FAM163A: variants seen among roughly 807,000 people sequenced by gnomAD.
FAM163A encodes the protein protein FAM163A.
In FAM163A, 7 loss-of-function variants were observed where a neutral mutation model predicts 12.0. That is an observed-to-expected ratio of 0.58 (90% CI 0.33 to 1.10). The LOEUF is 1.10. FAM163A is among the 50% of genes least tolerant of loss of function. The pLI, the probability that FAM163A is intolerant of heterozygous loss-of-function variation, is 0.03. For synonymous variants in FAM163A, 101 were observed against 91.0 expected, an observed-to-expected ratio of 1.11 and a Z score of -0.62; for missense variants, 202 against 218.6, an observed-to-expected ratio of 0.92 and a Z score of 0.48.
intron 1 of FAM163A, among the ~76,000 whole-genome samples, chr1:179,797,221 C>G (rs1312851703): frequency 6.6e-6 from 1 of 152,236 alleles, no homozygotes; most frequent in East Asian, 1.9e-4. Context: ...CCGAGGCGGG[C>G]AGCTCACTTG....
At position 179,815,308 on chromosome 1, in the gene FAM163A, A is replaced by G. The variant is rs1051659175; in HGVS notation, c.*1119A>G. On this transcript the variant is annotated 3_prime_UTR_variant, in exon 5 of 5. Coordinates refer to ENST00000341785, the MANE Select transcript of FAM163A (RefSeq NM_173509.3). ...CCCCATGGCAGACAGCGGGCTGGTGAACAGGAAGAGCACAGAATCTCTGTG... is the reference window on the plus strand; with the variant it reads ...CCCCATGGCAGACAGCGGGCTGGTGGACAGGAAGAGCACAGAATCTCTGTG... The G allele has an allele frequency of 6.6e-6, 1 of 152,342 alleles. No homozygotes were observed. Among genetic ancestry groups the G allele is most frequent in the African/African-American group, 2.4e-5 (1 of 41,440 alleles). 9.4% of individuals were successfully genotyped at this position (152,342 alleles called of 1,614,324 possible).
intron 2 of FAM163A, among the ~76,000 whole-genome samples, chr1:179,811,170 C>T (rs1219309508): frequency 6.6e-6 from 1 of 152,102 alleles, no homozygotes; most frequent in Non-Finnish European, 1.5e-5. Flanking sequence ...GTCTTTGAAG[C>T]TGTCTCTAAA....
chr1:179,773,974 G>C (rs1239091065), intron 1 of FAM163A, among the ~76,000 whole-genome samples: 1 of 152,226 alleles, frequency 6.6e-6, no homozygotes, highest in Non-Finnish European at 1.5e-5. Context: ...AGACCTGCAG[G>C]TTGCTGTAGT....
intron 1 of FAM163A, among the ~76,000 whole-genome samples, chr1:179,793,692 T>C (rs897090277): frequency 6.6e-6 from 1 of 152,202 alleles, no homozygotes; most frequent in African/African-American, 2.4e-5. Context: ...AACTGGGTGC[T>C]TTTCCATGAT....
intron 1 of FAM163A, among the ~76,000 whole-genome samples, chr1:179,777,451 C>T (rs762468473): frequency 2.0e-5 from 3 of 152,114 alleles, no homozygotes; most frequent in African/African-American, 7.2e-5. Context: ...CCAGGAGCTC[C>T]GTGAGATCAG....
chr1:179,770,182 G>A (rs1688084916), intron 1 of FAM163A, among the ~76,000 whole-genome samples: 2 of 151,942 alleles, frequency 1.3e-5, no homozygotes, highest in Admixed American at 6.6e-5. Context: ...TGGGATTACA[G>A]GTGTGAGCCA....
At chr1:179,731,975 A>G in the FAM163A span, among the ~76,000 whole-genome samples, 2 of 152,214 alleles carry the variant, frequency 1.3e-5, no homozygotes, top group Non-Finnish European at 2.9e-5. Context: ...CATGTGTAAA[A>G]TGGGCTAATA....
rs185285124 is a variant in FAM163A, at chr1:179,776,352, A to G, written c.-135-31446A>G. Among the ~76,000 whole-genome samples the G allele has an allele frequency of 1.2e-3, 184 of 152,162 alleles. 1 individual carries two copies. The highest frequency in any genetic ancestry group is 4.2e-3 in the African/African-American group (173 of 41,492). On this transcript the variant is annotated intron_variant, in intron 1 of 4. Coordinates refer to ENST00000341785, the MANE Select transcript of FAM163A (RefSeq NM_173509.3). Reference sequence around the variant, plus strand: ...CTAAAAATACAAAAATTAGCTGGGCATGGTGGTGCACACCTGTAATACCAG... The same window carrying G: ...CTAAAAATACAAAAATTAGCTGGGCGTGGTGGTGCACACCTGTAATACCAG...
At chr1:179,730,861 G>A in the FAM163A span, among the ~76,000 whole-genome samples, 1 of 152,140 alleles carries the variant, frequency 6.6e-6, no homozygotes, top group Non-Finnish European at 1.5e-5. Context: ...AATCAGTGTT[G>A]GTAGGGAAAA....
At chr1:179,792,972 G>T (rs1408971014) in intron 1 of FAM163A, among the ~76,000 whole-genome samples, 2 of 151,244 alleles carry the variant, frequency 1.3e-5, no homozygotes, top group African/African-American at 4.9e-5. Context: ...GGTGCATAAA[G>T]AAAGTAGCAT....
At chr1:179,734,386 A>G in the FAM163A span, among the ~76,000 whole-genome samples, 2 of 152,164 alleles carry the variant, frequency 1.3e-5, no homozygotes, top group African/African-American at 4.8e-5. Flanking sequence ...GACTTGGCCA[A>G]ATGGAAGAAA....
rs1209907034 is a variant in FAM163A, at chr1:179,802,163, T to G, written c.-135-5635T>G. Among the ~76,000 whole-genome samples, 8 of 152,364 alleles carry G rather than the reference T, an allele frequency of 5.3e-5. No homozygotes were observed. The South Asian group carries it at 1.5e-3, about 28-fold the overall frequency. On this transcript the variant is annotated intron_variant, in intron 1 of 4. Transcript: ENST00000341785. ...TCTGTGCAAGATCTGTCACATCTTA[T>G]TGATGTTTATTCTCACTCTCACTTT...
chr1:179,770,291 C>T (rs1688101334), intron 1 of FAM163A, among the ~76,000 whole-genome samples: 2 of 152,140 alleles, frequency 1.3e-5, no homozygotes, highest in African/African-American at 4.8e-5. Context: ...TTTGCTCATT[C>T]ATGGCCATGG....
At chr1:179,766,663 C>T (rs1687540861) in intron 1 of FAM163A, among the ~76,000 whole-genome samples, 1 of 152,156 alleles carries the variant, frequency 6.6e-6, no homozygotes, top group Admixed American at 6.5e-5. Flanking sequence ...GAACTTTCTC[C>T]TTACACCCCA....
At chr1:179,771,358 T>G (rs932620605) in intron 1 of FAM163A, among the ~76,000 whole-genome samples, 2 of 152,200 alleles carry the variant, frequency 1.3e-5, no homozygotes, top group Non-Finnish European at 2.9e-5. Flanking sequence ...GCTTTACCTG[T>G]CTGACCTCTG....
intron 1 of FAM163A, among the ~76,000 whole-genome samples, chr1:179,772,088 T>G (rs1231066012): frequency 6.6e-6 from 1 of 152,156 alleles, no homozygotes; most frequent in Non-Finnish European, 1.5e-5. Flanking sequence ...ATTTTGCATT[T>G]CAATTTCACT....
At chr1:179,775,636 A>G (rs916746522) in intron 1 of FAM163A, among the ~76,000 whole-genome samples, 1 of 152,130 alleles carries the variant, frequency 6.6e-6, no homozygotes, top group African/African-American at 2.4e-5. Flanking sequence ...TGTTTTGTCT[A>G]ATTTTAGCCC....
At chr1:179,782,790 T>C (rs1689977660) in intron 1 of FAM163A, among the ~76,000 whole-genome samples, 1 of 152,196 alleles carries the variant, frequency 6.6e-6, no homozygotes, top group Admixed American at 6.5e-5. Flanking sequence ...TGAGAAAACT[T>C]GTCTGAGAAT....
At chr1:179,772,421 C>T (rs1328266759) in intron 1 of FAM163A, among the ~76,000 whole-genome samples, 2 of 152,172 alleles carry the variant, frequency 1.3e-5, no homozygotes, top group Admixed American at 6.5e-5. Context: ...ACTCTGCTGC[C>T]GAGTCCATTT....
Sources: allele counts gnomAD v4.1 joint callset (sites outside exome capture counted in the v4.1 genomes callset), GRCh38; gene constraint gnomAD v4.1.1; transcripts MANE v1.5; gene names NCBI Gene and HGNC (gene_info 2026-07-23, HGNC 2026-07-21).